RGS9: variants seen among roughly 807,000 people sequenced by gnomAD.
RGS9 encodes the protein regulator of G protein signaling 9, also known as regulator of G-protein signalling 9.
Under a neutral mutation model 102.0 loss-of-function variants are expected in RGS9, and 78 were observed. That is an observed-to-expected ratio of 0.76 (90% confidence interval 0.64 to 0.92). The LOEUF (loss-of-function observed/expected upper bound fraction) is 0.92. Ranked by LOEUF, RGS9 falls within the 40% of genes least tolerant of loss-of-function variation. RGS9 has a pLI of 0.00. For missense variants in RGS9, 833 were observed against 866.1 expected (o/e 0.96, Z 0.48); for synonymous variants, 353 against 318.6 (o/e 1.11, Z -1.15).
chr17:65,208,726 C>A (rs1188318980), intron 16 of RGS9, among the ~76,000 whole-genome samples: 1 of 152,116 alleles, frequency 6.6e-6, no homozygotes, highest in Non-Finnish European at 1.5e-5. Context: ...GTCCTGTCCC[C>A]CCCAAAGTGA....
chr17:65,222,035 G>A (rs2144129245), intron 17 of RGS9, among the ~76,000 whole-genome samples: 1 of 152,336 alleles, frequency 6.6e-6, no homozygotes, highest in East Asian at 1.9e-4. Flanking sequence ...AGGCTGACGG[G>A]GTTCTCATCT....
chr17:65,224,595 G>A (rs1317738278), intron 17 of RGS9, among the ~76,000 whole-genome samples: 2 of 152,216 alleles, frequency 1.3e-5, no homozygotes, highest in South Asian at 2.1e-4. Context: ...CTCCAGACCT[G>A]AGGTTGGGGC....
At chr17:65,152,240 C>T (rs554590076) in intron 1 of RGS9, among the ~76,000 whole-genome samples, 102 of 152,244 alleles carry the variant, frequency 6.7e-4, no homozygotes, top group African/African-American at 2.3e-3. Flanking sequence ...ACATGGGACC[C>T]GCCCAAGGCT....
Position 65,207,998 on chromosome 17 carries a change from C to T in RGS9, c.1280C>T (p.Thr427Ile), listed in dbSNP as rs774182262. 6.8e-6 allele frequency: 11 copies of T among 1,610,336 alleles called. No individual in the cohort carries two copies. Among genetic ancestry groups the T allele is most frequent in the Non-Finnish European group, 9.3e-6 (11 of 1,176,716 alleles). ...LAKAIEPQET[T>I]KKSSTLPFMR... Reference sequence around the variant, plus strand: ...AAAGCTATTGAACCTCAGGAAACCACCAAGAAAAGGCAAGTGGAATTATCT... The same window carrying T: ...AAAGCTATTGAACCTCAGGAAACCATCAAGAAAAGGCAAGTGGAATTATCT... Residue 427 changes from threonine to isoleucine, a missense_variant, in exon 16 of 19, where the codon ACC becomes ATC. Coordinates refer to ENST00000262406, the MANE Select transcript of RGS9 (RefSeq NM_003835.4).
chr17:65,174,613 A>T (rs540594374), intron 8 of RGS9, among the ~76,000 whole-genome samples: 1 of 151,812 alleles, frequency 6.6e-6, no homozygotes, highest in Non-Finnish European at 1.5e-5. Flanking sequence ...AGGTTTGTGC[A>T]TGCATGTAAA....
At position 65,141,056 on chromosome 17, in the gene RGS9, T is replaced by G. The variant is rs568626889; in HGVS notation, c.57+3459T>G. Among the ~76,000 whole-genome samples, 10 of 152,324 alleles carry G rather than the reference T, an allele frequency of 6.6e-5. No individual in the cohort carries two copies. The South Asian group carries it at 1.9e-3, about 28-fold the overall frequency. ...GCCATACTGGTCAGAAAGGACCGTGTGCGATTCCCGAGGTTCTCACACCCA... is the reference window on the plus strand; with the variant it reads ...GCCATACTGGTCAGAAAGGACCGTGGGCGATTCCCGAGGTTCTCACACCCA... On this transcript the variant is annotated intron_variant, in intron 1 of 18. Coordinates refer to ENST00000262406, the MANE Select transcript of RGS9 (RefSeq NM_003835.4).
Position 65,163,017 on chromosome 17 carries a change from AT to A in RGS9, c.430del (p.Tyr144ThrfsTer4). 6.4e-7 allele frequency: 1 copy of A among 1,558,168 alleles called. No individual in the cohort carries two copies. The highest frequency in any genetic ancestry group is 8.8e-7 in the Non-Finnish European group (1 of 1,130,830). On this transcript the variant is annotated frameshift_variant, in exon 7 of 19. Transcript: ENST00000262406. LOFTEE classifies it high-confidence loss of function. ...CATTTTGTTTTTCTTCTTTAGGAAAATTACAATTTCTTGAACCAAAAAATGA... is the reference window on the plus strand; with the variant it reads ...CATTTTGTTTTTCTTCTTTAGGAAAATACAATTTCTTGAACCAAAAAATGA... The part of the protein sequence containing the change: ...KGILEEYEKE[N>X]YNFLNQKMNY...
At chr17:65,204,121 CTTGGT>C in intron 14 of RGS9, 37 bp from the exon 15 acceptor site, 1 of 1,611,280 alleles carries the variant, frequency 6.2e-7, no homozygotes, top group African/African-American at 1.3e-5. Context: ...CATGAATTGA[CTTGGT>C]TTAGTTACTT....
chr17:65,201,136 C>A (rs188183224), intron 13 of RGS9, among the ~76,000 whole-genome samples: 902 of 152,180 alleles, frequency 5.9e-3, no homozygotes, highest in Non-Finnish European at 0.01. Flanking sequence ...CACACACTTG[C>A]TCTCTCTTGT....
intron 9 of RGS9, among the ~76,000 whole-genome samples, chr17:65,186,595 G>A (rs1397383197): frequency 6.6e-6 from 1 of 152,162 alleles, no homozygotes; most frequent in Non-Finnish European, 1.5e-5. Flanking sequence ...AAGAGAGCAG[G>A]CTAGGAGGAA....
In RGS9 at chr17:65,159,159, C is replaced by A. The variant is rs369522133; in HGVS notation, c.205+814C>A. On this transcript the variant is annotated intron_variant, in intron 3 of 18. Transcript: ENST00000262406. ...CCCCACTGAGCACCTTGTGACCCCCCACTCCTGCCCGCCAGAGAACAACCC... is the reference window on the plus strand; with the variant it reads ...CCCCACTGAGCACCTTGTGACCCCCAACTCCTGCCCGCCAGAGAACAACCC... Among the ~76,000 whole-genome samples the A allele has an allele frequency of 4.0e-4, 60 of 150,926 alleles. No individual in the cohort carries two copies. In the South Asian group the frequency reaches 0.012, roughly 29 times the overall value.
chr17:65,221,831 G>A (rs931706647), intron 17 of RGS9, among the ~76,000 whole-genome samples: 1 of 152,196 alleles, frequency 6.6e-6, no homozygotes, highest in Non-Finnish European at 1.5e-5. Flanking sequence ...GTGCCCTGGG[G>A]TCTATTTCAT....
At position 65,177,669 on chromosome 17, in the gene RGS9, A is replaced by G. The variant is rs149931319; in HGVS notation, c.583-63A>G. ...ACAATTGGCAGATTAACCAAGACCC[A>G]CAGTTAACCAGAAACTGGAGACTCT... On this transcript the variant is annotated intron_variant, in intron 8 of 18. Transcript: ENST00000262406. 84 of 1,481,728 alleles carry G rather than the reference A, an allele frequency of 5.7e-5. No individual in the cohort carries two copies. In the African/African-American group the frequency reaches 1.0e-3, roughly 18 times the overall value. 91.8% of individuals were successfully genotyped at this position (1,481,728 alleles called of 1,614,324 possible). A position where few individuals can be genotyped will look rare whatever the true frequency, so the allele number is the denominator to read the frequency against.
chr17:65,215,474 CTCTA>C (rs777928133), intron 17 of RGS9, among the ~76,000 whole-genome samples: 7,320 of 136,992 alleles, frequency 0.053, 246 homozygotes, highest in African/African-American at 0.075. Flanking sequence ...TTCTTTCTTT[CTCTA>C]TCTTTCTTTC....
At chr17:65,193,106 C>CAAAAAAAAAAAAAAAAA (rs372675773) in intron 11 of RGS9, among the ~76,000 whole-genome samples, 1 of 131,172 alleles carries the variant, frequency 7.6e-6, no homozygotes, top group African/African-American at 2.8e-5. Context: ...ACCAAAAATA[C>CAAAAAAAAAAAAAAAAA]AAAAAAAAAA....
rs771704902 is a variant in RGS9, at chr17:65,160,612, C to T, written c.364+25C>T. On this transcript the variant is annotated intron_variant, in intron 5 of 18. Coordinates refer to ENST00000262406, the MANE Select transcript of RGS9 (RefSeq NM_003835.4). ...GGTAAATACTTCAGCCCCAACTATG[C>T]CTTTGGTAGTGCTTAACATGCTGCT... The T allele has an allele frequency of 1.2e-5, 20 of 1,612,080 alleles. No homozygotes were observed. The Admixed American group carries it at 1.8e-4, about 15-fold the overall frequency.
chr17:65,159,348 A>T (rs1368429974), intron 3 of RGS9, among the ~76,000 whole-genome samples: 1 of 152,218 alleles, frequency 6.6e-6, no homozygotes, highest in Non-Finnish European at 1.5e-5. Flanking sequence ...ACACGAGTGA[A>T]AGGCAGCAAT....
intron 17 of RGS9, among the ~76,000 whole-genome samples, chr17:65,215,578 G>T (rs1373658992): frequency 8.4e-6 from 1 of 118,378 alleles, no homozygotes; most frequent in African/African-American, 4.4e-5. Flanking sequence ...TCTCAGGCTG[G>T]AGTGCAGTGG....
Position 65,173,579 on chromosome 17 carries a change from G to C in RGS9, c.583-4153G>C, listed in dbSNP as rs1169999222. 6.6e-6 allele frequency among the ~76,000 whole-genome samples: 1 copy of C among 152,256 alleles called. No individual in the cohort carries two copies. ...GCGGGGTCATACCCTGGTGTTCACA[G>C]TTCCTCAGGGTGGAGGAGGGGAGCT... On this transcript the variant is annotated intron_variant, in intron 8 of 18. Transcript: ENST00000262406. The surrounding 1 kb of genome is among the most constrained non-coding windows in gnomAD (Gnocchi z 4.8).
Sources: gnomAD v4.1 joint callset for allele counts (sites outside exome capture counted in the v4.1 genomes callset) on GRCh38, gnomAD v4.1.1 for gene constraint, Gnocchi (gnomAD v3.1) non-coding constraint, MANE v1.5 for transcripts, NCBI Gene and HGNC (gene_info 2026-07-23, HGNC 2026-07-21) for gene names.